The following RALGAPA1 variants were observed in gnomAD, a reference collection of about 807,000 sequenced individuals.
RALGAPA1 encodes the protein Ral GTPase activating protein catalytic subunit alpha 1.
A neutral mutation model predicts 269.6 loss-of-function variants in RALGAPA1; 52 were observed. The observed-to-expected ratio is 0.19, with a 90% confidence interval of 0.15 to 0.24. The LOEUF (loss-of-function observed/expected upper bound fraction) is 0.24, where lower values mean the gene tolerates loss of function less well. RALGAPA1 is among the 10% of genes least tolerant of loss of function. RALGAPA1 has a pLI of 1.00. For missense variants in RALGAPA1, 1,917 were observed against 3,013.9 expected (o/e 0.64, Z 8.52); for synonymous variants, 817 against 1,008.3 (o/e 0.81, Z 3.60).
intron 17 of RALGAPA1, among the ~76,000 whole-genome samples, chr14:35,699,537 A>G (rs2067170157): frequency 6.6e-6 from 1 of 152,198 alleles, no homozygotes; most frequent in South Asian, 2.1e-4. Context: ...GCAGAACTGG[A>G]AAGCTAAGCA....
chr14:35,758,083 C>T (rs1363492728), intron 6 of RALGAPA1, among the ~76,000 whole-genome samples: 1 of 151,916 alleles, frequency 6.6e-6, no homozygotes, highest in Non-Finnish European at 1.5e-5. Context: ...AACCCCATCT[C>T]TACTAAAAAT....
At chr14:35,635,376 G>A (rs1387942160) in intron 32 of RALGAPA1, 88 bp downstream of exon 32, 2 of 1,362,196 alleles carry the variant, frequency 1.5e-6, no homozygotes, top group East Asian at 5.1e-5. Context: ...AGCTCTAAAA[G>A]AATAAAAATG....
At chr14:35,761,352 CGA>C (rs1207611604) in intron 5 of RALGAPA1, among the ~76,000 whole-genome samples, 1 of 151,958 alleles carries the variant, frequency 6.6e-6, no homozygotes, top group South Asian at 2.1e-4. Context: ...AACCAAGAAG[CGA>C]GAGAGAGCAA....
intron 22 of RALGAPA1, among the ~76,000 whole-genome samples, chr14:35,675,888 T>C (rs953912579): frequency 4.6e-5 from 7 of 152,224 alleles, no homozygotes; most frequent in Non-Finnish European, 4.4e-5. Flanking sequence ...TGAGAATTTA[T>C]AATCACTTCT....
At chr14:35,756,590 C>T (rs149647196) in intron 7 of RALGAPA1, 15 of 334,566 alleles carry the variant, frequency 4.5e-5, no homozygotes, top group Middle Eastern at 8.8e-4. Flanking sequence ...TATCCCCTAC[C>T]ACCATCACTT....
rs1190811723 is a variant in RALGAPA1, at chr14:35,701,114, G to A, written c.2267-812C>T. Among the ~76,000 whole-genome samples, 10 of 152,142 alleles carry A rather than the reference G, an allele frequency of 6.6e-5. 1 individual carries two copies. In the South Asian group the frequency reaches 1.2e-3, roughly 19 times the overall value. On this transcript the variant is annotated intron_variant, in intron 16 of 41. Coordinates refer to ENST00000680220, the MANE Select transcript of RALGAPA1 (RefSeq NM_001346249.2). ...GTAGTTGCATTTGATAATTTCTTAG[G>A]AGAGTCCCTAGTTCACAAAAATTAA...
intron 12 of RALGAPA1, among the ~76,000 whole-genome samples, chr14:35,733,689 C>T (rs1030211861): frequency 1.3e-5 from 2 of 151,866 alleles, no homozygotes; most frequent in Non-Finnish European, 2.9e-5. Context: ...CAAACCAAAC[C>T]CAAACCCAGC....
At chr14:35,707,181 T>C (rs540309216) in intron 16 of RALGAPA1, 3 of 152,342 alleles carry the variant, frequency 2.0e-5, no homozygotes, top group Non-Finnish European at 4.4e-5. Flanking sequence ...CTGACTTTTA[T>C]ATATTAATCT....
Position 35,627,309 on chromosome 14 carries a change from G to T in RALGAPA1, c.6638C>A (p.Ala2213Asp). The T allele has an allele frequency of 6.2e-7, 1 of 1,610,024 alleles. No individual in the cohort carries two copies. The highest frequency in any genetic ancestry group is 8.5e-7 in the Non-Finnish European group (1 of 1,178,984). Reference sequence around the variant, plus strand: ...TTCAGAAATGCACACAGGTTGTGGAGCAGGAATATTAAGTGAGATTCCAGT... The same window carrying T: ...TTCAGAAATGCACACAGGTTGTGGATCAGGAATATTAAGTGAGATTCCAGT... ...QRTGISLNIP[A>D]PQPVCISEKQ... The change falls in exon 34 of 42, where the codon GCT (alanine) becomes GAT (aspartate). Residue 2213 changes from alanine to aspartate, a missense_variant. Physicochemically the swap from Ala to Asp is moderately radical, Grantham distance 126. Transcript: ENST00000680220.
At chr14:35,549,084 T>C (rs762400839) in intron 40 of RALGAPA1, 26 bp downstream of exon 40, 1 of 1,609,686 alleles carries the variant, frequency 6.2e-7, no homozygotes. Context: ...CAATAACAAG[T>C]AACTAATACT....
chr14:35,557,972 A>G (rs1294980845), intron 39 of RALGAPA1, among the ~76,000 whole-genome samples: 1 of 152,186 alleles, frequency 6.6e-6, no homozygotes, highest in South Asian at 2.1e-4. Context: ...AATAAGCATT[A>G]ATTTTTTTTT....
chr14:35,808,657 A>G, intron 1 of RALGAPA1, 73 bp downstream of exon 1: 1 of 1,497,354 alleles, frequency 6.7e-7, no homozygotes, highest in Non-Finnish European at 9.1e-7. Context: ...CCCGAGAGAG[A>G]GTCCGCAGGG....
chr14:35,667,939 T>C (rs1177576043), intron 26 of RALGAPA1, among the ~76,000 whole-genome samples: 2 of 152,068 alleles, frequency 1.3e-5, no homozygotes, highest in African/African-American at 4.8e-5. Flanking sequence ...ATAAAGAAAA[T>C]GTGGTACTTA....
intron 41 of RALGAPA1, 119 bp from the exon 42 acceptor site, chr14:35,539,809 A>G (rs981909193): frequency 7.7e-6 from 11 of 1,435,240 alleles, no homozygotes; most frequent in Non-Finnish European, 1.0e-5. Flanking sequence ...TTTCGAGGGA[A>G]AAAGCAAGCC....
Position 35,605,628 on chromosome 14 carries a change from T to G in RALGAPA1, c.7011A>C (p.Gly2337=). The G allele has an allele frequency of 6.2e-7, 1 of 1,609,826 alleles. No individual in the cohort carries two copies. Among genetic ancestry groups the G allele is most frequent in the Non-Finnish European group, 8.5e-7 (1 of 1,178,704 alleles). ...CTACAAAATCTTCATATGCTTGACTTCCTCCTGTATTGGTGAGAATGGAGT... is the reference window on the plus strand; with the variant it reads ...CTACAAAATCTTCATATGCTTGACTGCCTCCTGTATTGGTGAGAATGGAGT... ...DKHSILTNTG[G]SQAYEDFVAG... is the part of the protein sequence containing the mutation. The change falls in exon 36 of 42, where the codon GGA becomes GGC. Residue 2337 remains glycine (G), a synonymous_variant. Transcript: ENST00000680220.
intron 17 of RALGAPA1, among the ~76,000 whole-genome samples, chr14:35,691,330 T>C (rs939334090): frequency 4.6e-5 from 7 of 151,942 alleles, no homozygotes; most frequent in African/African-American, 1.7e-4. Flanking sequence ...GGAAGCAAAA[T>C]ACAATGTCTA....
At chr14:35,756,672 C>A in intron 7 of RALGAPA1, 121 bp downstream of exon 7, 1 of 634,892 alleles carries the variant, frequency 1.6e-6, no homozygotes, top group Non-Finnish European at 2.5e-6. Flanking sequence ...TCCCCTCCAA[C>A]CTCCCTGACA....
intron 7 of RALGAPA1, among the ~76,000 whole-genome samples, chr14:35,755,694 T>C (rs1471876944): frequency 6.6e-6 from 1 of 152,194 alleles, no homozygotes; most frequent in African/African-American, 2.4e-5. Flanking sequence ...ACCAAAATGG[T>C]ATTATTTTTA....
intron 26 of RALGAPA1, among the ~76,000 whole-genome samples, chr14:35,666,258 T>C (rs923624482): frequency 4.4e-5 from 6 of 136,880 alleles, no homozygotes; most frequent in Middle Eastern, 3.6e-3. Context: ...CACAATTATC[T>C]TTTTTTTTTA....
Sources: allele counts gnomAD v4.1 joint callset (sites outside exome capture counted in the v4.1 genomes callset), GRCh38; gene constraint gnomAD v4.1.1; transcripts MANE v1.5; gene names NCBI Gene and HGNC (gene_info 2026-07-23, HGNC 2026-07-21).